The following RNF149 variants were observed in gnomAD, a reference collection of about 807,000 sequenced individuals.
RNF149 encodes ring finger protein 149.
RNF149 carries 21 observed loss-of-function variants against 39.0 expected under a neutral mutation model. That is an observed-to-expected ratio of 0.54 (90% confidence interval 0.38 to 0.77). RNF149 has a LOEUF of 0.77. RNF149 is among the 30% of genes least tolerant of loss of function. RNF149 has a pLI of 0.00. For synonymous variants in RNF149, 209 were observed against 213.6 expected, an observed-to-expected ratio of 0.98 and a Z score of 0.19; for missense variants, 493 against 534.9, an observed-to-expected ratio of 0.92 and a Z score of 0.77.
intron 3 of RNF149, among the ~76,000 whole-genome samples, chr2:101,291,140 TATTAATTA>T (rs1478251159): frequency 6.6e-6 from 1 of 152,196 alleles, no homozygotes; most frequent in South Asian, 2.1e-4. Context: ...AACATTTTAT[TATTAATTA>T]ATTAATTAAT....
intron 1 of RNF149, among the ~76,000 whole-genome samples, chr2:101,300,282 A>G (rs1683401844): frequency 6.6e-6 from 1 of 152,186 alleles, no homozygotes; most frequent in African/African-American, 2.4e-5. Flanking sequence ...ACTAAGATAC[A>G]TGTAAAGGTA....
chr2:101,295,030 C>T lies in RNF149; in HGVS notation c.612G>A (p.Val204=). The change falls in exon 2 of 7, where the codon GTG becomes GTA. Residue 204 remains valine, a synonymous_variant. Transcript: ENST00000295317. ...EFISGQSVVF[V]AIAFITMMII... The stretch of plus-strand genomic sequence containing the variant: ...TCATCATGGTGATGAAGGCAATGGC[C>T]ACAAACACCACAGACTGACCGCTGA... 1 of 1,614,118 alleles carries T rather than the reference C, an allele frequency of 6.2e-7. No homozygotes were observed. The highest frequency in any genetic ancestry group is 8.5e-7 in the Non-Finnish European group (1 of 1,180,014).
At chr2:101,307,715 TG>T (rs2104446358) in intron 1 of RNF149, 1 of 516,038 alleles carries the variant, frequency 1.9e-6, no homozygotes, top group African/African-American at 2.1e-5. Context: ...CACTTTATGT[TG>T]GTGAAGGGAC....
rs1409448364 is a variant in RNF149 at position 101,295,109 on chromosome 2, C to T, written c.533G>A (p.Gly178Glu). 1.1e-5 allele frequency: 18 copies of T among 1,614,026 alleles called. No individual in the cohort carries two copies. Among genetic ancestry groups the T allele is most frequent in the Admixed American group, 1.7e-5 (1 of 60,004 alleles). ...GREILELVQK[G>E]IPVTMTIGVG... ...CCCTATGGTCATCGTTACTGGAATTCCTTTTTGCACCAGCTCCAAAATTTC... is the reference window on the plus strand; with the variant it reads ...CCCTATGGTCATCGTTACTGGAATTTCTTTTTGCACCAGCTCCAAAATTTC... Residue 178 changes from glycine (G) to glutamate (E), a missense_variant, in exon 2 of 7, where the codon GGA becomes GAA. Gly to Glu is a moderately conservative substitution (Grantham distance 98). Transcript: ENST00000295317.
chr2:101,279,411 A>G (rs1403368341), intron 6 of RNF149, among the ~76,000 whole-genome samples: 1 of 152,258 alleles, frequency 6.6e-6, no homozygotes, highest in Non-Finnish European at 1.5e-5. Flanking sequence ...GAATGCAGAA[A>G]AATCTGGAGG....
intron 5 of RNF149, among the ~76,000 whole-genome samples, chr2:101,283,287 A>T (rs1682662476): frequency 6.6e-6 from 1 of 152,196 alleles, no homozygotes; most frequent in Non-Finnish European, 1.5e-5. Flanking sequence ...CAGAAAGTGA[A>T]ATCTTCAAGA....
chr2:101,273,347 A>AT (rs1217568887), downstream of RNF149: 1 of 471,074 alleles, frequency 2.1e-6, no homozygotes, highest in East Asian at 6.9e-5. Flanking sequence ...GGCTCCTATA[A>AT]TGGTTAGGAG....
chr2:101,307,685 C>A (rs894273301), intron 1 of RNF149, among the ~76,000 whole-genome samples: 1 of 152,056 alleles, frequency 6.6e-6, no homozygotes, highest in Non-Finnish European at 1.5e-5. Flanking sequence ...AGTGAAGAAA[C>A]CAGAGTGCCA....
rs543045005 is a variant in RNF149, at chr2:101,299,582, T to A, written c.461-4401A>T. On this transcript the variant is annotated intron_variant, in intron 1 of 6. Transcript: ENST00000295317. ...CTAGAAGTCTTTTTTGTAAACTTGC[T>A]TTTGTGGAAAATTTCAAGCACATAC... is the stretch of plus-strand genomic sequence containing the variant. 7.7e-3 allele frequency among the ~76,000 whole-genome samples: 1,175 copies of A among 152,338 alleles called. 14 individuals are homozygous for A. Among genetic ancestry groups the A allele is most frequent in the African/African-American group, 0.026 (1,084 of 41,578 alleles).
intron 1 of RNF149, among the ~76,000 whole-genome samples, chr2:101,296,542 C>G (rs1179053618): frequency 1.3e-5 from 2 of 152,018 alleles, no homozygotes; most frequent in Non-Finnish European, 2.9e-5. Context: ...AATAAAAGTC[C>G]AGAAATAGAC....
chr2:101,307,238 A>G (rs1683700532), intron 1 of RNF149, among the ~76,000 whole-genome samples: 2 of 152,184 alleles, frequency 1.3e-5, no homozygotes, highest in African/African-American at 2.4e-5. Flanking sequence ...GCTGGAGTGC[A>G]GTGGCACAAT....
chr2:101,283,350 G>A (rs1482794267), intron 5 of RNF149, among the ~76,000 whole-genome samples: 1 of 152,198 alleles, frequency 6.6e-6, no homozygotes, highest in Non-Finnish European at 1.5e-5. Context: ...CCAGAGCCAA[G>A]TGCAGATCTA....
intron 3 of RNF149, among the ~76,000 whole-genome samples, chr2:101,291,005 T>C (rs1682987193): frequency 6.6e-6 from 1 of 152,200 alleles, no homozygotes; most frequent in African/African-American, 2.4e-5. Context: ...TACCAATCAG[T>C]ATCAGCATGT....
At chr2:101,287,012 T>C (rs1682819446) in intron 4 of RNF149, among the ~76,000 whole-genome samples, 1 of 152,218 alleles carries the variant, frequency 6.6e-6, no homozygotes, top group Admixed American at 6.5e-5. Flanking sequence ...AGAAATCTGC[T>C]AGTGGAGTTA....
intron 4 of RNF149, among the ~76,000 whole-genome samples, chr2:101,288,526 T>C (rs984831121): frequency 2.0e-5 from 3 of 152,088 alleles, no homozygotes; most frequent in African/African-American, 7.2e-5. Context: ...GCCAGGAATA[T>C]TGATTTTAAA....
intron 3 of RNF149, among the ~76,000 whole-genome samples, chr2:101,292,012 T>G (rs975261309): frequency 6.6e-6 from 1 of 152,214 alleles, no homozygotes. Flanking sequence ...TGGCCTACCA[T>G]AAACATGCTC....
At chr2:101,285,021 A>G (rs1278654018) in intron 5 of RNF149, among the ~76,000 whole-genome samples, 2 of 152,050 alleles carry the variant, frequency 1.3e-5, no homozygotes, top group African/African-American at 4.8e-5. Context: ...CAGTCTCTTG[A>G]GTAAATGGGA....
chr2:101,277,453 C>T (rs1682389104), intron 6 of RNF149, among the ~76,000 whole-genome samples, 172 bp from the exon 7 acceptor site: 1 of 152,140 alleles, frequency 6.6e-6, no homozygotes, highest in African/African-American at 2.4e-5. Context: ...GCAATGGCAC[C>T]ATCTTGGCTC....
intron 1 of RNF149, among the ~76,000 whole-genome samples, chr2:101,297,150 G>A (rs1039194545): frequency 7.9e-5 from 12 of 151,966 alleles, no homozygotes; most frequent in Admixed American, 7.2e-4. Context: ...CAGAGGCTGC[G>A]GTGAGCCAAG....
Sources: allele counts gnomAD v4.1 joint callset (sites outside exome capture counted in the v4.1 genomes callset), GRCh38; gene constraint gnomAD v4.1.1; transcripts MANE v1.5; gene names NCBI Gene and HGNC (gene_info 2026-07-23, HGNC 2026-07-21).